Variants in PIP5K1B observed in about 807,000 individuals in gnomAD.
The protein encoded by PIP5K1B is phosphatidylinositol 4-phosphate 5-kinase type-1 beta.
In PIP5K1B, 42 loss-of-function variants were observed where a neutral mutation model predicts 67.0. The ratio of observed to expected loss-of-function variants is 0.63; its 90% CI spans 0.49 to 0.81. The LOEUF is 0.81. Ranked by LOEUF, PIP5K1B falls within the 30% of genes least tolerant of loss-of-function variation. The probability of loss-of-function intolerance (pLI) is 0.00; values close to 1 mark genes in which losing one functional copy is unlikely to be tolerated. For synonymous variants in PIP5K1B, 214 were observed against 231.4 expected (o/e 0.92, Z 0.68); for missense variants, 459 against 646.3 (o/e 0.71, Z 3.14).
At chr9:68,780,082 G>GCATCATTAAA in intron 2 of PIP5K1B, 1 of 1,334,334 alleles carries the variant, frequency 7.5e-7, no homozygotes, top group Non-Finnish European at 9.6e-7. Flanking sequence ...CGGTGGCGGC[G>GCATCATTAAA]GCAGCGGCGG....
At chr9:68,950,890 T>G (rs1828033727) in intron 14 of PIP5K1B, among the ~76,000 whole-genome samples, 1 of 152,176 alleles carries the variant, frequency 6.6e-6, no homozygotes, top group South Asian at 2.1e-4. Flanking sequence ...GGAAGGAATT[T>G]CACTGGGGAA....
rs138411573 is a variant in PIP5K1B at position 68,791,132 on chromosome 9, G to A, written c.-85-27329G>A. ...CCTCTTAAGGCTTGGCTAGCAAGGCGTGTTGTGAAAGAATACAATTGAGAA... is the reference window on the plus strand; with the variant it reads ...CCTCTTAAGGCTTGGCTAGCAAGGCATGTTGTGAAAGAATACAATTGAGAA... On this transcript the variant is annotated intron_variant, in intron 2 of 15. Transcript: ENST00000265382. 5.2e-3 allele frequency among the ~76,000 whole-genome samples: 786 copies of A among 152,286 alleles called. 8 individuals are homozygous for A. The highest frequency in any genetic ancestry group is 4.9e-3 in the Non-Finnish European group (335 of 68,032).
chr9:68,971,674 A>AATGATC (rs2132830103), intron 14 of PIP5K1B, among the ~76,000 whole-genome samples: 1 of 152,310 alleles, frequency 6.6e-6, no homozygotes, highest in East Asian at 1.9e-4. Flanking sequence ...CTGACATTTT[A>AATGATC]ATGATCGCCA....
chr9:68,926,388 T>C (rs1564240845), intron 12 of PIP5K1B, among the ~76,000 whole-genome samples: 1 of 152,192 alleles, frequency 6.6e-6, no homozygotes, highest in Non-Finnish European at 1.5e-5. Flanking sequence ...ACAAGTTGTT[T>C]AACTCACGGG....
At chr9:68,731,452 G>A (rs1226771279) in intron 1 of PIP5K1B, among the ~76,000 whole-genome samples, 2 of 152,158 alleles carry the variant, frequency 1.3e-5, no homozygotes, top group African/African-American at 4.8e-5. Flanking sequence ...GAATATGGGT[G>A]GCAGGAACTA....
intron 12 of PIP5K1B, among the ~76,000 whole-genome samples, chr9:68,926,404 A>G (rs1401743602): frequency 2.6e-5 from 4 of 152,124 alleles, no homozygotes; most frequent in African/African-American, 7.2e-5. Context: ...ACGGGTAATC[A>G]AATCTATTGA....
At chr9:68,853,174 C>T (rs999872947) in intron 4 of PIP5K1B, among the ~76,000 whole-genome samples, 1 of 152,088 alleles carries the variant, frequency 6.6e-6, no homozygotes, top group Admixed American at 6.6e-5. Context: ...TGCAGCTGGC[C>T]CAAACCCCAT....
At chr9:68,765,363 G>A (rs1830378009) in intron 2 of PIP5K1B, among the ~76,000 whole-genome samples, 2 of 152,058 alleles carry the variant, frequency 1.3e-5, no homozygotes, top group Non-Finnish European at 1.5e-5. Flanking sequence ...CTGAAAATTT[G>A]AGGGTGTACC....
At chr9:68,932,165 C>G (rs1201376261) in intron 12 of PIP5K1B, among the ~76,000 whole-genome samples, 3 of 152,174 alleles carry the variant, frequency 2.0e-5, no homozygotes, top group Admixed American at 2.0e-4. Flanking sequence ...ATCTTTTCCT[C>G]ATTACACGGC....
At chr9:68,886,166 G>A (rs1044119707) in intron 6 of PIP5K1B, among the ~76,000 whole-genome samples, 1 of 151,662 alleles carries the variant, frequency 6.6e-6, no homozygotes, top group Non-Finnish European at 1.5e-5. Context: ...GTGTCAGAGC[G>A]AGACTCCGTC....
At chr9:68,812,608 C>CT (rs949009113) in intron 2 of PIP5K1B, among the ~76,000 whole-genome samples, 3 of 152,194 alleles carry the variant, frequency 2.0e-5, no homozygotes, top group African/African-American at 7.2e-5. Flanking sequence ...AGACATGAAC[C>CT]TTGTGAGTAT....
At position 68,875,295 on chromosome 9, in the gene PIP5K1B, C is replaced by CAAAAAAAAA. The variant is rs147022066; in HGVS notation, c.201-1359_201-1351dup. Among the ~76,000 whole-genome samples, 21 of 44,872 alleles carry CAAAAAAAAA rather than the reference C, an allele frequency of 4.7e-4. 2 individuals carry two copies. Among genetic ancestry groups the CAAAAAAAAA allele is most frequent in the African/African-American group, 1.4e-3 (14 of 10,182 alleles). 29.4% of individuals were successfully genotyped at this position (44,872 alleles called of 152,430 possible). A position where few individuals can be genotyped will look rare whatever the true frequency, so the allele number is the denominator to read the frequency against. On this transcript the variant is annotated intron_variant, in intron 5 of 15. Coordinates refer to ENST00000265382, the MANE Select transcript of PIP5K1B (RefSeq NM_003558.4). Reference sequence around the variant, plus strand: ...GCCAGCTCCATCCTCTGGTACTCAGCAAAAAAAAAAAAAAAAAAAAAAAAA... The same window carrying CAAAAAAAAA: ...GCCAGCTCCATCCTCTGGTACTCAGCAAAAAAAAAAAAAAAAAAAAAAAAAAAAAAAAAA...
intron 15 of PIP5K1B, among the ~76,000 whole-genome samples, chr9:69,004,427 A>G (rs1051398833): frequency 1.3e-5 from 2 of 151,468 alleles, no homozygotes; most frequent in Admixed American, 1.3e-4. Context: ...GTAGTCTCTG[A>G]GCTCCTCTGC....
intron 1 of PIP5K1B, among the ~76,000 whole-genome samples, chr9:68,717,549 G>A (rs1827693154): frequency 1.3e-5 from 2 of 152,174 alleles, no homozygotes; most frequent in African/African-American, 2.4e-5. Context: ...AGGTTCTGGA[G>A]AGGGCTCTCT....
intron 14 of PIP5K1B, among the ~76,000 whole-genome samples, chr9:68,978,707 A>G (rs2132874379): frequency 6.6e-6 from 1 of 152,356 alleles, no homozygotes; most frequent in East Asian, 1.9e-4. Context: ...CTGACAGTTC[A>G]TTATTAAAGT....
At chr9:68,929,307 C>T (rs982673980) in intron 12 of PIP5K1B, among the ~76,000 whole-genome samples, 1 of 152,188 alleles carries the variant, frequency 6.6e-6, no homozygotes, top group African/African-American at 2.4e-5. Flanking sequence ...CCGATCTTCT[C>T]CTTAAGGTCC....
chr9:68,804,733 AG>A (rs1832776604), intron 2 of PIP5K1B, among the ~76,000 whole-genome samples: 1 of 152,044 alleles, frequency 6.6e-6, no homozygotes, highest in African/African-American at 2.4e-5. Flanking sequence ...CTGGAACTAC[AG>A]GTGTGCACCA....
intron 15 of PIP5K1B, among the ~76,000 whole-genome samples, chr9:69,003,478 AGG>A (rs67726971): frequency 0.72 from 102,563 of 142,100 alleles, 36,085 homozygotes; most frequent in African/African-American, 0.74. Flanking sequence ...AAAAAAAAAA[AGG>A]GGGGGGGATA....
intron 4 of PIP5K1B, among the ~76,000 whole-genome samples, chr9:68,832,950 A>G (rs1222588359): frequency 1.3e-5 from 2 of 152,282 alleles, no homozygotes; most frequent in African/African-American, 4.8e-5. Flanking sequence ...TGACCTTGCC[A>G]TTTTTATGGG....
Sources: gnomAD v4.1 joint callset for allele counts (sites outside exome capture counted in the v4.1 genomes callset) on GRCh38, gnomAD v4.1.1 for gene constraint, MANE v1.5 for transcripts, NCBI Gene and HGNC (gene_info 2026-07-23, HGNC 2026-07-21) for gene names.